The following ARHGAP10 variants were observed in gnomAD, a reference collection of about 807,000 sequenced individuals.
The protein encoded by ARHGAP10 is rho GTPase-activating protein 10.
A neutral mutation model predicts 108.6 loss-of-function variants in ARHGAP10; 87 were observed. The observed-to-expected ratio is 0.80, with a 90% CI of 0.67 to 0.96. The LOEUF is 0.96. Ranked by LOEUF, ARHGAP10 falls within the 40% of genes least tolerant of loss-of-function variation. ARHGAP10 has a pLI of 0.00. For synonymous variants in ARHGAP10, 347 were observed against 341.1 expected (o/e 1.02, Z -0.19); for missense variants, 939 against 954.5 (o/e 0.98, Z 0.21).
chr4:147,856,252 A>G (rs981409789), intron 4 of ARHGAP10, among the ~76,000 whole-genome samples: 5 of 152,238 alleles, frequency 3.3e-5, no homozygotes, highest in African/African-American at 1.2e-4. Context: ...AGTATGTCCT[A>G]ATTCTAGACA....
chr4:147,909,086 A>C (rs570053191), intron 11 of ARHGAP10, among the ~76,000 whole-genome samples: 1 of 152,226 alleles, frequency 6.6e-6, no homozygotes, highest in African/African-American at 2.4e-5. Context: ...CTAACTGGCT[A>C]TAAATTGGGG....
intron 18 of ARHGAP10, among the ~76,000 whole-genome samples, chr4:147,974,811 A>C (rs1398582394): frequency 6.6e-6 from 1 of 152,198 alleles, no homozygotes; most frequent in Non-Finnish European, 1.5e-5. Flanking sequence ...GGGAGGCCTC[A>C]CAATCATGGC....
intron 1 of ARHGAP10, chr4:147,808,782 C>G (rs1303735688): frequency 1.3e-5 from 2 of 152,290 alleles, no homozygotes. Flanking sequence ...TGGTTCTGCA[C>G]TCTTCTAGGA....
chr4:147,910,743 A>G (rs1736697801), intron 12 of ARHGAP10, among the ~76,000 whole-genome samples: 1 of 152,140 alleles, frequency 6.6e-6, no homozygotes, highest in South Asian at 2.1e-4. Context: ...TACTTTTGAC[A>G]TATTTGGAAA....
intron 19 of ARHGAP10, among the ~76,000 whole-genome samples, chr4:148,030,048 A>G (rs998992501): frequency 1.4e-5 from 2 of 147,606 alleles, no homozygotes; most frequent in African/African-American, 2.5e-5. Flanking sequence ...AACTTCTTCT[A>G]TTGCTTCCTA....
At chr4:147,989,405 CG>C (rs1740178608) in intron 18 of ARHGAP10, among the ~76,000 whole-genome samples, 1 of 152,084 alleles carries the variant, frequency 6.6e-6, no homozygotes, top group Admixed American at 6.5e-5. Context: ...ATTTATTAGG[CG>C]GGAATTTCCT....
intron 13 of ARHGAP10, among the ~76,000 whole-genome samples, chr4:147,936,373 C>G (rs1454422233): frequency 8.2e-6 from 1 of 121,352 alleles, no homozygotes; most frequent in African/African-American, 3.1e-5. Context: ...CCAGGCTGGA[C>G]TGCGGACTGC....
At chr4:147,817,245 A>T (rs1418599389) in intron 1 of ARHGAP10, among the ~76,000 whole-genome samples, 1 of 152,142 alleles carries the variant, frequency 6.6e-6, no homozygotes, top group Non-Finnish European at 1.5e-5. Flanking sequence ...TGTAGGAGTT[A>T]ATAGTGACAA....
chr4:147,841,665 G>A (rs892118418), intron 3 of ARHGAP10, among the ~76,000 whole-genome samples: 4 of 152,098 alleles, frequency 2.6e-5, no homozygotes, highest in African/African-American at 9.7e-5. Context: ...AATTCTTGTT[G>A]CTCAGTTGAC....
intron 13 of ARHGAP10, among the ~76,000 whole-genome samples, chr4:147,937,489 A>C (rs1386901320): frequency 6.6e-6 from 1 of 152,240 alleles, no homozygotes; most frequent in Non-Finnish European, 1.5e-5. Context: ...CTATAACAGA[A>C]GGAAAAATAG....
At chr4:147,789,903 G>C (rs1358481228) in intron 1 of ARHGAP10, among the ~76,000 whole-genome samples, 1 of 152,126 alleles carries the variant, frequency 6.6e-6, no homozygotes, top group Non-Finnish European at 1.5e-5. Flanking sequence ...CCCAAGGCAG[G>C]GATTTATGAG....
chr4:147,817,610 C>T (rs1019993002), intron 1 of ARHGAP10, among the ~76,000 whole-genome samples: 23 of 152,146 alleles, frequency 1.5e-4, no homozygotes, highest in African/African-American at 5.6e-4. Flanking sequence ...TCAAACTGCT[C>T]CTAACCCTGG....
chr4:148,030,909 T>C (rs1728120324), intron 19 of ARHGAP10, among the ~76,000 whole-genome samples: 1 of 151,620 alleles, frequency 6.6e-6, no homozygotes, highest in Non-Finnish European at 1.5e-5. Context: ...AAATGAAATT[T>C]GGGGCCAGGC....
chr4:148,068,184 G>A (rs982261207), intron 22 of ARHGAP10, among the ~76,000 whole-genome samples: 7 of 152,174 alleles, frequency 4.6e-5, no homozygotes, highest in Admixed American at 2.0e-4. Flanking sequence ...GCCTCCTCAG[G>A]GGCAGGGTTG....
intron 3 of ARHGAP10, among the ~76,000 whole-genome samples, chr4:147,844,309 C>T (rs185433533): frequency 9.1e-4 from 138 of 152,158 alleles, no homozygotes; most frequent in African/African-American, 3.0e-3. Flanking sequence ...GGTATCCATC[C>T]GTTCAAGCAT....
chr4:147,746,078 G>T (rs1455366333), intron 1 of ARHGAP10, among the ~76,000 whole-genome samples: 1 of 151,772 alleles, frequency 6.6e-6, no homozygotes, highest in South Asian at 2.1e-4. Flanking sequence ...GTGAGGCACC[G>T]TGCCCTGCCA....
chr4:147,921,370 T>C (rs530328592), intron 13 of ARHGAP10, among the ~76,000 whole-genome samples: 2 of 152,298 alleles, frequency 1.3e-5, no homozygotes, highest in African/African-American at 4.8e-5. Flanking sequence ...ATCTGTTGAA[T>C]CAGAATTGTT....
intron 20 of ARHGAP10, among the ~76,000 whole-genome samples, chr4:148,053,517 A>G (rs1297100070): frequency 6.6e-6 from 1 of 152,146 alleles, no homozygotes; most frequent in Non-Finnish European, 1.5e-5. Flanking sequence ...AGCTTGAGAG[A>G]CTTGGAAATT....
At chr4:147,918,132 G>GGTTTTTT (rs1737064545) in intron 13 of ARHGAP10, among the ~76,000 whole-genome samples, 1 of 134,952 alleles carries the variant, frequency 7.4e-6, no homozygotes, top group South Asian at 2.2e-4. Context: ...CTCTCATTAA[G>GGTTTTTT]ATTTTTTTTT....
Sources: gnomAD v4.1 joint callset for allele counts (sites outside exome capture counted in the v4.1 genomes callset) on GRCh38, gnomAD v4.1.1 for gene constraint, MANE v1.5 for transcripts, NCBI Gene and HGNC (gene_info 2026-07-23, HGNC 2026-07-21) for gene names.